NCKAP5: variants seen among roughly 807,000 people sequenced by gnomAD.
NCKAP5 encodes the protein nck-associated protein 5.
Under a neutral mutation model 167.0 loss-of-function variants are expected in NCKAP5, and 92 were observed. That is an observed-to-expected ratio of 0.55 (90% CI 0.47 to 0.66). The LOEUF (loss-of-function observed/expected upper bound fraction) is 0.66. NCKAP5 is among the 30% of genes least tolerant of loss of function. NCKAP5 has a pLI of 0.00. For missense variants in NCKAP5, 2,378 were observed against 2,315.0 expected, an observed-to-expected ratio of 1.03 and a Z score of -0.56; for synonymous variants, 891 against 877.4, an observed-to-expected ratio of 1.02 and a Z score of -0.27.
At chr2:133,062,757 T>C (rs998507599) in intron 6 of NCKAP5, among the ~76,000 whole-genome samples, 1 of 152,226 alleles carries the variant, frequency 6.6e-6, no homozygotes, top group Non-Finnish European at 1.5e-5. Flanking sequence ...CAAAGTTAGA[T>C]TAATTAAAAT....
chr2:133,075,780 GA>G (rs1356726419), intron 6 of NCKAP5, among the ~76,000 whole-genome samples: 4 of 152,036 alleles, frequency 2.6e-5, no homozygotes, highest in Non-Finnish European at 5.9e-5. Context: ...GCATAAAAGG[GA>G]AAGAGAGGAG....
In NCKAP5 at chr2:133,559,039, A is replaced by C. The variant is rs909053179; in HGVS notation, c.-62+11T>G. 7.2e-5 allele frequency: 11 copies of C among 152,168 alleles called. No homozygotes were observed. The highest frequency in any genetic ancestry group is 5.9e-4 in the Admixed American group (9 of 15,272). 9.4% of individuals were successfully genotyped at this position (152,168 alleles called of 1,614,324 possible). On this transcript the variant is annotated intron_variant, in intron 2 of 19. Transcript: ENST00000409261. ...TAATAGTATTATTAATAACGTATTA[A>C]TACTACTTACATGTATTGTGAGTCT...
Position 132,842,434 on chromosome 2 carries a change from C to T in NCKAP5, c.807+18058G>A, listed in dbSNP as rs181298481. Reference sequence around the variant, plus strand: ...TGGTTAATTTTAGCCTTCATTGTTACTTATTTCCTTTTGTATTTTCCTTTT... The same window carrying T: ...TGGTTAATTTTAGCCTTCATTGTTATTTATTTCCTTTTGTATTTTCCTTTT... On this transcript the variant is annotated intron_variant, in intron 11 of 19. Coordinates refer to ENST00000409261, the MANE Select transcript of NCKAP5 (RefSeq NM_207363.3). 6.7e-4 allele frequency among the ~76,000 whole-genome samples: 102 copies of T among 152,158 alleles called. No homozygotes were observed. In the South Asian group the frequency reaches 7.3e-3, roughly 11 times the overall value.
At chr2:133,649,841 T>C in the NCKAP5 span, among the ~76,000 whole-genome samples, 1 of 152,060 alleles carries the variant, frequency 6.6e-6, no homozygotes, top group Non-Finnish European at 1.5e-5. Flanking sequence ...CTATTTAACT[T>C]AGTACTAGCC....
intron 16 of NCKAP5, among the ~76,000 whole-genome samples, chr2:132,734,556 C>A (rs377197712): frequency 2.0e-5 from 3 of 152,182 alleles, no homozygotes; most frequent in African/African-American, 7.2e-5. Context: ...TCAAAGAGGG[C>A]TCAGCAGGGC....
In NCKAP5 at chr2:133,119,615, C is replaced by T. The variant is rs78013910; in HGVS notation, c.341+10363G>A. ...AGTAATTTCCTATTTTCAAATTATA[C>T]GAATGTATTAAAATATCACTTGCAC... On this transcript the variant is annotated intron_variant, in intron 6 of 19. Transcript: ENST00000409261. 2.8e-4 allele frequency among the ~76,000 whole-genome samples: 42 copies of T among 152,044 alleles called. No individual in the cohort carries two copies. In the East Asian group the frequency reaches 7.0e-3, roughly 25 times the overall value.
intron 8 of NCKAP5, among the ~76,000 whole-genome samples, chr2:132,913,930 A>T (rs1307045725): frequency 6.6e-6 from 1 of 152,208 alleles, no homozygotes; most frequent in African/African-American, 2.4e-5. Context: ...AGATTTATTT[A>T]TGAAAATGAA....
At chr2:133,553,696 G>T (rs900666874) in intron 2 of NCKAP5, among the ~76,000 whole-genome samples, 4 of 151,948 alleles carry the variant, frequency 2.6e-5, no homozygotes, top group Admixed American at 6.6e-5. Flanking sequence ...AGTAGTAAGG[G>T]GACTTAGGAC....
intron 6 of NCKAP5, among the ~76,000 whole-genome samples, chr2:133,075,951 C>T (rs898417003): frequency 2.0e-5 from 3 of 151,960 alleles, no homozygotes; most frequent in Non-Finnish European, 4.4e-5. Flanking sequence ...AACTGTAAGT[C>T]GGGTACTGAA....
intron 19 of NCKAP5, among the ~76,000 whole-genome samples, chr2:132,700,841 A>G (rs2709536): frequency 0.71 from 106,915 of 151,458 alleles, 39,438 homozygotes; most frequent in African/African-American, 0.92. Context: ...TCGTTTTCTT[A>G]AGACAATCCA....
intron 3 of NCKAP5, among the ~76,000 whole-genome samples, chr2:133,481,669 G>A (rs1371401099): frequency 6.6e-6 from 1 of 152,116 alleles, no homozygotes; most frequent in Non-Finnish European, 1.5e-5. Context: ...CCACTTATAA[G>A]TGAGAACATG....
intron 3 of NCKAP5, among the ~76,000 whole-genome samples, chr2:133,439,417 G>C (rs572165578): frequency 6.6e-6 from 1 of 152,054 alleles, no homozygotes; most frequent in Non-Finnish European, 1.5e-5. Flanking sequence ...AAAAGATGTC[G>C]GGGGCAACAG....
intron 7 of NCKAP5, among the ~76,000 whole-genome samples, chr2:132,974,514 A>T (rs1342467210): frequency 6.6e-6 from 1 of 152,210 alleles, no homozygotes; most frequent in African/African-American, 2.4e-5. Flanking sequence ...ACAAGGAAAC[A>T]GCCTCTAATG....
intron 8 of NCKAP5, among the ~76,000 whole-genome samples, chr2:132,936,824 A>T (rs182011917): frequency 1.3e-5 from 2 of 152,334 alleles, no homozygotes; most frequent in Admixed American, 1.3e-4. Flanking sequence ...TATCAACTTT[A>T]TAATTTTACA....
At chr2:133,186,083 T>C (rs2084933533) in intron 5 of NCKAP5, among the ~76,000 whole-genome samples, 1 of 152,174 alleles carries the variant, frequency 6.6e-6, no homozygotes, top group South Asian at 2.1e-4. Flanking sequence ...TTCAGTATGA[T>C]GTTGGCTGTA....
intron 2 of NCKAP5, chr2:133,558,241 T>A (rs1322884869): frequency 1.3e-5 from 2 of 152,002 alleles, no homozygotes; most frequent in South Asian, 4.2e-4. Flanking sequence ...TATGGAGAGG[T>A]GGTCTTTTTC....
At chr2:133,485,167 A>C (rs1030453754) in intron 3 of NCKAP5, among the ~76,000 whole-genome samples, 1 of 152,218 alleles carries the variant, frequency 6.6e-6, no homozygotes, top group Non-Finnish European at 1.5e-5. Flanking sequence ...AAGATATTAT[A>C]TTTATAAAGA....
chr2:133,404,653 TTTTC>T (rs1395962241), intron 3 of NCKAP5, among the ~76,000 whole-genome samples: 4 of 152,236 alleles, frequency 2.6e-5, no homozygotes, highest in African/African-American at 9.6e-5. Context: ...AGGACTACTG[TTTTC>T]TTTAATTGTA....
intron 6 of NCKAP5, among the ~76,000 whole-genome samples, chr2:133,088,880 T>C (rs2081081357): frequency 6.6e-6 from 1 of 152,190 alleles, no homozygotes; most frequent in Non-Finnish European, 1.5e-5. Context: ...AGGATTATTT[T>C]TGAACTTCCA....
Sources: gnomAD v4.1 joint callset for allele counts (sites outside exome capture counted in the v4.1 genomes callset) on GRCh38, gnomAD v4.1.1 for gene constraint, MANE v1.5 for transcripts, NCBI Gene and HGNC (gene_info 2026-07-23, HGNC 2026-07-21) for gene names.